The following SLC24A2 variants were observed in gnomAD, a reference collection of about 807,000 sequenced individuals.
SLC24A2 encodes the protein solute carrier family 24 member 2.
SLC24A2 carries 36 observed loss-of-function variants against 62.0 expected under a neutral mutation model. The observed-to-expected ratio is 0.58, with a 90% CI of 0.44 to 0.77. SLC24A2 has a LOEUF of 0.77. Ranked by LOEUF, SLC24A2 falls within the 30% of genes least tolerant of loss-of-function variation. The pLI, the probability that SLC24A2 is intolerant of heterozygous loss-of-function variation, is 0.00. For missense variants in SLC24A2, 846 were observed against 817.9 expected, an observed-to-expected ratio of 1.03 and a Z score of -0.42; for synonymous variants, 358 against 294.0, an observed-to-expected ratio of 1.22 and a Z score of -2.23.
Position 19,556,305 on chromosome 9 carries a change from G to A in SLC24A2, c.1348-6037C>T, listed in dbSNP as rs150710643. ...TAAACATCAGGTCTTCGGTGGAGAA[G>A]CCTGAGTTGGATTCACCAGTTCAGA... On this transcript the variant is annotated intron_variant, in intron 7 of 10. Coordinates refer to ENST00000341998, the MANE Select transcript of SLC24A2 (RefSeq NM_020344.4). Among the ~76,000 whole-genome samples the A allele has an allele frequency of 6.1e-3, 931 of 152,292 alleles. 8 individuals are homozygous for A. Among genetic ancestry groups the A allele is most frequent in the Admixed American group, 0.011 (163 of 15,306 alleles).
the SLC24A2 span, among the ~76,000 whole-genome samples, chr9:20,305,486 T>A: frequency 6.6e-6 from 1 of 152,188 alleles, no homozygotes. Flanking sequence ...GCAATTAACA[T>A]CTTTAAAAGA....
At chr9:20,106,053 G>A in the SLC24A2 span, among the ~76,000 whole-genome samples, 1 of 152,176 alleles carries the variant, frequency 6.6e-6, no homozygotes, top group Non-Finnish European at 1.5e-5. Flanking sequence ...ACTACCATCA[G>A]AGAATACTAC....
chr9:19,599,790 G>A lies in SLC24A2; in HGVS notation c.1079-2511C>T, dbSNP rs1276082588. Among the ~76,000 whole-genome samples the A allele has an allele frequency of 1.3e-5, 2 of 152,188 alleles. No individual in the cohort carries two copies. The highest frequency in any genetic ancestry group is 1.9e-4 in the East Asian group (1 of 5,198). On this transcript the variant is annotated intron_variant, in intron 4 of 10. Coordinates refer to ENST00000341998, the MANE Select transcript of SLC24A2 (RefSeq NM_020344.4). The surrounding 1 kb of genome is among the most constrained non-coding windows in gnomAD (Gnocchi z 4.5). ...TACAGCCCATGATGCCTCCTGGAAC[G>A]TACCCTTGCCCACTGTCTATTGACA...
the SLC24A2 span, among the ~76,000 whole-genome samples, chr9:20,060,841 C>A: frequency 5.3e-5 from 8 of 152,176 alleles, no homozygotes; most frequent in Non-Finnish European, 2.9e-5. Context: ...TTAGTAAGGT[C>A]ACAAGTTGCA....
chr9:19,553,390 A>C (rs1351815808), intron 7 of SLC24A2, among the ~76,000 whole-genome samples: 1 of 152,196 alleles, frequency 6.6e-6, no homozygotes, highest in African/African-American at 2.4e-5. Flanking sequence ...TGTCCATAGA[A>C]AACAAAACAA....
At chr9:20,192,605 C>G in the SLC24A2 span, among the ~76,000 whole-genome samples, 6 of 152,144 alleles carry the variant, frequency 3.9e-5, no homozygotes, top group African/African-American at 1.4e-4. Context: ...CCAGGTGGCA[C>G]TTAGTTCAAC....
At chr9:19,589,646 C>A (rs564581406) in intron 5 of SLC24A2, among the ~76,000 whole-genome samples, 1 of 152,244 alleles carries the variant, frequency 6.6e-6, no homozygotes, top group Admixed American at 6.5e-5. Context: ...ATCTAATGTA[C>A]TATTTGCTAT....
At chr9:20,071,708 C>G in the SLC24A2 span, among the ~76,000 whole-genome samples, 11 of 152,188 alleles carry the variant, frequency 7.2e-5, no homozygotes, top group South Asian at 2.1e-3. Context: ...ACCAAGCCCC[C>G]AACCTGTGGA....
chr9:20,149,386 T>G, the SLC24A2 span, among the ~76,000 whole-genome samples: 477 of 152,132 alleles, frequency 3.1e-3, 6 homozygotes, highest in African/African-American at 0.011. Context: ...AGTTAGCAAA[T>G]AGTAACTTCC....
chr9:19,994,578 TG>T, the SLC24A2 span, among the ~76,000 whole-genome samples: 1 of 152,192 alleles, frequency 6.6e-6, no homozygotes, highest in East Asian at 1.9e-4. Context: ...TTGACTCTGT[TG>T]AAGCATCACT....
At chr9:19,625,938 C>G (rs921200830) in intron 2 of SLC24A2, among the ~76,000 whole-genome samples, 1 of 152,066 alleles carries the variant, frequency 6.6e-6, no homozygotes, top group Non-Finnish European at 1.5e-5. Flanking sequence ...CCACCCACCT[C>G]AGCCTCCCAA....
At chr9:20,293,303 C>A in the SLC24A2 span, among the ~76,000 whole-genome samples, 1 of 152,208 alleles carries the variant, frequency 6.6e-6, no homozygotes, top group African/African-American at 2.4e-5. Flanking sequence ...TTCCTTCTCC[C>A]AGAAAGGTAG....
At chr9:20,242,079 C>T in the SLC24A2 span, among the ~76,000 whole-genome samples, 3 of 152,208 alleles carry the variant, frequency 2.0e-5, no homozygotes, top group Non-Finnish European at 1.5e-5. Context: ...ACTAACGCGC[C>T]AGCAGGTGCT....
the SLC24A2 span, among the ~76,000 whole-genome samples, chr9:20,078,251 A>G: frequency 6.6e-6 from 1 of 152,122 alleles, no homozygotes; most frequent in Non-Finnish European, 1.5e-5. Flanking sequence ...GAACCTCCTC[A>G]TGAGCTTGTT....
chr9:20,014,451 C>T, the SLC24A2 span, among the ~76,000 whole-genome samples: 9 of 147,396 alleles, frequency 6.1e-5, no homozygotes, highest in East Asian at 2.0e-4. Flanking sequence ...GCATTATTTA[C>T]GACAGTCAAG....
intron 2 of SLC24A2, among the ~76,000 whole-genome samples, chr9:19,744,382 A>G (rs1821767990): frequency 6.6e-6 from 1 of 152,104 alleles, no homozygotes; most frequent in African/African-American, 2.4e-5. Context: ...TATGATCACA[A>G]CACTCCAGCA....
the SLC24A2 span, among the ~76,000 whole-genome samples, chr9:19,872,333 G>A: frequency 6.6e-6 from 1 of 152,168 alleles, no homozygotes; most frequent in Non-Finnish European, 1.5e-5. Flanking sequence ...TGGTGATTAT[G>A]CCTAATTCCT....
chr9:20,096,793 C>G, the SLC24A2 span, among the ~76,000 whole-genome samples: 6 of 151,736 alleles, frequency 4.0e-5, no homozygotes, highest in Non-Finnish European at 7.4e-5. Context: ...TTGGGAAATT[C>G]TTTACAAATT....
chr9:20,030,168 A>T, the SLC24A2 span, among the ~76,000 whole-genome samples: 6 of 152,294 alleles, frequency 3.9e-5, no homozygotes, highest in East Asian at 1.2e-3. Flanking sequence ...CCAGGACTGG[A>T]GGGAGGAGGC....
Sources: gnomAD v4.1 joint callset for allele counts (sites outside exome capture counted in the v4.1 genomes callset) on GRCh38, gnomAD v4.1.1 for gene constraint, Gnocchi (gnomAD v3.1) non-coding constraint, MANE v1.5 for transcripts, NCBI Gene and HGNC (gene_info 2026-07-23, HGNC 2026-07-21) for gene names.